LPAR3: variants seen among roughly 807,000 people sequenced by gnomAD.
LPAR3 encodes LPA receptor 3.
Under a neutral mutation model 17.8 loss-of-function variants are expected in LPAR3, and 7 were observed. The ratio of observed to expected loss-of-function variants is 0.39; its 90% CI spans 0.22 to 0.74. LPAR3 has a LOEUF of 0.74. Among genes scored for constraint, LPAR3 ranks in the 30% least tolerant of loss-of-function variants. LPAR3 has a pLI of 0.40. For missense variants in LPAR3, 391 were observed against 453.4 expected (o/e 0.86, Z 1.25); for synonymous variants, 179 against 179.9 (o/e 0.99, Z 0.04).
chr1:84,865,403 T>C lies in LPAR3; in HGVS notation c.718A>G (p.Thr240Ala), dbSNP rs772668214. The C allele has an allele frequency of 6.2e-7, 1 of 1,613,190 alleles. No individual in the cohort carries two copies. Among genetic ancestry groups the C allele is most frequent in the South Asian group, 1.1e-5 (1 of 90,890 alleles). ...RRRTPMKLMK[T>A]VMTVLGAFVV... ...TACCTACCTAAGACAGTCATCACCG[T>C]CTTCATTAGCTTCATGGGTGTCCTC... The change falls in exon 2 of 3, where the codon ACG (threonine) becomes GCG (alanine). Residue 240 changes from threonine (T) to alanine (A), a missense_variant. By Grantham distance (58) the Thr-to-Ala change is moderately conservative (BLOSUM62 0). Transcript: ENST00000370611.
chr1:84,892,062 A>C (rs1016887761), intron 1 of LPAR3, among the ~76,000 whole-genome samples: 3 of 151,680 alleles, frequency 2.0e-5, no homozygotes, highest in African/African-American at 7.3e-5. Context: ...AAATACAAAA[A>C]ATTAGCCTAG....
chr1:84,856,313 T>C (rs1309277165), intron 2 of LPAR3, among the ~76,000 whole-genome samples: 1 of 152,242 alleles, frequency 6.6e-6, no homozygotes, highest in African/African-American at 2.4e-5. Flanking sequence ...GATATGACTC[T>C]CTGCACAGCA....
chr1:84,839,930 C>T (rs928985642), intron 2 of LPAR3, among the ~76,000 whole-genome samples: 2 of 152,022 alleles, frequency 1.3e-5, no homozygotes, highest in African/African-American at 4.8e-5. Context: ...TATATAAGTG[C>T]TTGCTTCTAT....
intron 2 of LPAR3, among the ~76,000 whole-genome samples, chr1:84,836,353 A>AAC (rs1202545251): frequency 1.3e-5 from 2 of 151,390 alleles, no homozygotes; most frequent in Non-Finnish European, 2.9e-5. Context: ...AAAAAAAAAA[A>AAC]AAAACCCATT....
intron 2 of LPAR3, among the ~76,000 whole-genome samples, chr1:84,853,239 G>A (rs1444856162): frequency 2.0e-5 from 3 of 152,150 alleles, no homozygotes; most frequent in East Asian, 3.8e-4. Flanking sequence ...CAAGAATAAG[G>A]ACAAGAGTAG....
rs1659607234 is a variant in LPAR3, at chr1:84,847,109, A to G, written c.736+18276T>C. Among the ~76,000 whole-genome samples the G allele has an allele frequency of 2.0e-5, 3 of 152,276 alleles. No homozygotes were observed. The South Asian group carries it at 6.2e-4, about 32-fold the overall frequency. On this transcript the variant is annotated intron_variant, in intron 2 of 2. Transcript: ENST00000370611. ...CTTCTTTGTTCTTTTAGTCATCCAA[A>G]TTTAAAACACTGAAGCTGGATTCAT...
chr1:84,835,887 A>G (rs962186431), intron 2 of LPAR3, among the ~76,000 whole-genome samples: 2 of 152,064 alleles, frequency 1.3e-5, no homozygotes, highest in African/African-American at 4.8e-5. Flanking sequence ...TCCATATACT[A>G]CATACTTTCT....
intron 2 of LPAR3, among the ~76,000 whole-genome samples, chr1:84,825,815 G>A (rs150795850): frequency 7.8e-4 from 119 of 152,302 alleles, no homozygotes; most frequent in Middle Eastern, 6.8e-3. Context: ...AGTACGGTGC[G>A]CAAACCCTGA....
chr1:84,843,484 G>A (rs1345005864), intron 2 of LPAR3, among the ~76,000 whole-genome samples: 1 of 152,254 alleles, frequency 6.6e-6, no homozygotes, highest in Non-Finnish European at 1.5e-5. Context: ...AGTCATGAAA[G>A]TGTGTTGGTC....
rs1366428571 is a variant in LPAR3 at position 84,836,559 on chromosome 1, T to C, written c.737-22388A>G. 2.0e-5 allele frequency among the ~76,000 whole-genome samples: 3 copies of C among 152,306 alleles called. No homozygotes were observed. In the East Asian group the frequency reaches 5.8e-4, roughly 29 times the overall value. Reference sequence around the variant, plus strand: ...TTTCTTCTCAAATATACATACACTATGTCCTGGGGAAGGATAATAACATTT... The same window carrying C: ...TTTCTTCTCAAATATACATACACTACGTCCTGGGGAAGGATAATAACATTT... On this transcript the variant is annotated intron_variant, in intron 2 of 2. Transcript: ENST00000370611.
chr1:84,852,138 C>G (rs1442517416), intron 2 of LPAR3, among the ~76,000 whole-genome samples: 1 of 151,456 alleles, frequency 6.6e-6, no homozygotes, highest in African/African-American at 2.4e-5. Flanking sequence ...GCAACTTCTG[C>G]CTCCTGGGCC....
At chr1:84,852,896 T>G (rs1376687521) in intron 2 of LPAR3, among the ~76,000 whole-genome samples, 1 of 151,996 alleles carries the variant, frequency 6.6e-6, no homozygotes, top group Non-Finnish European at 1.5e-5. Context: ...CACAGTAGTA[T>G]TAGAGTAGTA....
At chr1:84,889,177 C>T (rs992930155) in intron 1 of LPAR3, among the ~76,000 whole-genome samples, 2 of 152,220 alleles carry the variant, frequency 1.3e-5, no homozygotes, top group Admixed American at 1.3e-4. Context: ...ATGTCAGAAC[C>T]TTCCCCTCAA....
intron 2 of LPAR3, among the ~76,000 whole-genome samples, chr1:84,828,819 C>T (rs1213014770): frequency 2.0e-5 from 3 of 152,104 alleles, no homozygotes; most frequent in Admixed American, 1.3e-4. Flanking sequence ...ATTTAGTAAC[C>T]CCTTTGAACT....
At chr1:84,822,879 T>A (rs1659084693) in intron 2 of LPAR3, among the ~76,000 whole-genome samples, 1 of 152,146 alleles carries the variant, frequency 6.6e-6, no homozygotes, top group Non-Finnish European at 1.5e-5. Flanking sequence ...AAATAAAACA[T>A]CCATAATGAT....
chr1:84,836,882 C>T (rs1659415401), intron 2 of LPAR3, among the ~76,000 whole-genome samples: 1 of 152,004 alleles, frequency 6.6e-6, no homozygotes, highest in Admixed American at 6.6e-5. Context: ...TTGAATTGTA[C>T]ACATTTACTA....
At chr1:84,855,544 A>C (rs1659800386) in intron 2 of LPAR3, among the ~76,000 whole-genome samples, 1 of 152,182 alleles carries the variant, frequency 6.6e-6, no homozygotes. Flanking sequence ...AATATTCAAT[A>C]ATTGTTTGTT....
At chr1:84,862,770 C>T (rs1239188049) in intron 2 of LPAR3, among the ~76,000 whole-genome samples, 1 of 152,132 alleles carries the variant, frequency 6.6e-6, no homozygotes, top group Non-Finnish European at 1.5e-5. Flanking sequence ...TTTTATAATT[C>T]CTTCTCATAA....
At chr1:84,840,403 A>C (rs752997175) in intron 2 of LPAR3, among the ~76,000 whole-genome samples, 1 of 152,254 alleles carries the variant, frequency 6.6e-6, no homozygotes, top group Non-Finnish European at 1.5e-5. Flanking sequence ...GTTACAAAGC[A>C]TCAAATATCT....
Sources: allele counts gnomAD v4.1 joint callset (sites outside exome capture counted in the v4.1 genomes callset), GRCh38; gene constraint gnomAD v4.1.1; transcripts MANE v1.5; gene names NCBI Gene and HGNC (gene_info 2026-07-23, HGNC 2026-07-21).